Variants in SLC2A9 observed in about 807,000 individuals in gnomAD.
The protein encoded by SLC2A9 is solute carrier family 2, facilitated glucose transporter member 9.
SLC2A9 carries 39 observed loss-of-function variants against 50.6 expected under a neutral mutation model. The observed-to-expected ratio is 0.77, with a 90% confidence interval of 0.60 to 1.01. The LOEUF is 1.01. Among genes scored for constraint, SLC2A9 ranks in the 50% least tolerant of loss-of-function variants. The pLI is 0.00. For missense variants in SLC2A9, 686 were observed against 677.6 expected, an observed-to-expected ratio of 1.01 and a Z score of -0.14; for synonymous variants, 324 against 276.9, an observed-to-expected ratio of 1.17 and a Z score of -1.69.
chr4:9,999,262 T>C (rs529160674), intron 2 of SLC2A9, among the ~76,000 whole-genome samples: 75 of 152,046 alleles, frequency 4.9e-4, no homozygotes, highest in Non-Finnish European at 8.8e-4. Flanking sequence ...GGTCTCGCCA[T>C]GTTCCCCAAG....
At chr4:9,967,010 A>G (rs1753152947) in intron 5 of SLC2A9, among the ~76,000 whole-genome samples, 1 of 152,162 alleles carries the variant, frequency 6.6e-6, no homozygotes, top group Non-Finnish European at 1.5e-5. Context: ...ACTAGCGTCC[A>G]TTTTCAAAAC....
At chr4:9,817,011 G>T (rs988333057) in intron 3 of SLC2A9, among the ~76,000 whole-genome samples, 1 of 152,046 alleles carries the variant, frequency 6.6e-6, no homozygotes, top group Non-Finnish European at 1.5e-5. Flanking sequence ...TGCTATCCTT[G>T]GCTCATGACC....
chr4:9,942,660 C>T (rs1451515595), intron 5 of SLC2A9, among the ~76,000 whole-genome samples: 3 of 152,232 alleles, frequency 2.0e-5, no homozygotes, highest in African/African-American at 4.8e-5. Context: ...CCCTACGACA[C>T]GCACTATTCA....
intron 9 of SLC2A9, among the ~76,000 whole-genome samples, chr4:9,888,752 GCAAA>G (rs942599349): frequency 6.6e-5 from 10 of 152,152 alleles, no homozygotes; most frequent in African/African-American, 2.2e-4. Context: ...GGGGTAAGCT[GCAAA>G]CAGTCTGGAG....
chr4:10,023,810 T>A (rs1009464302), upstream of SLC2A9, among the ~76,000 whole-genome samples: 1 of 152,266 alleles, frequency 6.6e-6, no homozygotes, highest in Non-Finnish European at 1.5e-5. Flanking sequence ...TCGGGGCAAC[T>A]GAAGTTCAGG....
intron 6 of SLC2A9, among the ~76,000 whole-genome samples, chr4:9,924,366 C>A (rs1744513376): frequency 6.6e-6 from 1 of 152,192 alleles, no homozygotes; most frequent in African/African-American, 2.4e-5. Flanking sequence ...AGTTAACACC[C>A]CCAGGAGCAG....
In SLC2A9 at chr4:9,887,605, C is replaced by A. The variant is rs201422078; in HGVS notation, c.1253G>T (p.Gly418Val). 11 of 1,568,120 alleles carry A rather than the reference C, an allele frequency of 7.0e-6. No individual in the cohort carries two copies. The highest frequency in any genetic ancestry group is 9.5e-6 in the Non-Finnish European group (11 of 1,156,076). The change falls in exon 10 of 12, where the codon GGC becomes GTC. Residue 418 changes from glycine (G) to valine (V), a missense_variant. By Grantham distance (109) the Gly-to-Val change is moderately radical (BLOSUM62 -3). Transcript: ENST00000264784. ...APWVPYLSIVGILAIIASFCS... is the reference protein window; with the variant it reads ...APWVPYLSIVVILAIIASFCS... ...GAAAGAGGCGATGATGGCCAGAATG[C>A]CCACGATACTCAGGTAGGGGACCCA...
chr4:9,776,606 G>T (rs867985301), downstream of SLC2A9, among the ~76,000 whole-genome samples: 1 of 152,072 alleles, frequency 6.6e-6, no homozygotes, highest in Non-Finnish European at 1.5e-5. Context: ...TGCAGTATTT[G>T]CTAGAGTTTT....
chr4:9,872,825 T>C (rs1312074434), intron 10 of SLC2A9, among the ~76,000 whole-genome samples: 1 of 152,226 alleles, frequency 6.6e-6, no homozygotes, highest in Non-Finnish European at 1.5e-5. Context: ...TGCACAAAAA[T>C]GTACATTGTT....
intron 10 of SLC2A9, among the ~76,000 whole-genome samples, chr4:9,882,591 C>A (rs1051531446): frequency 1.3e-5 from 2 of 151,984 alleles, no homozygotes; most frequent in Non-Finnish European, 2.9e-5. Context: ...CGCCTGCAGT[C>A]CCAGCTTCTT....
intron 5 of SLC2A9, among the ~76,000 whole-genome samples, chr4:9,948,734 G>T (rs952619376): frequency 6.6e-6 from 1 of 152,142 alleles, no homozygotes; most frequent in African/African-American, 2.4e-5. Flanking sequence ...TTGTGCTGAG[G>T]GTTGCTCACC....
At chr4:9,915,364 A>T (rs1474889489) in intron 7 of SLC2A9, among the ~76,000 whole-genome samples, 3 of 152,276 alleles carry the variant, frequency 2.0e-5, no homozygotes, top group Non-Finnish European at 2.9e-5. Context: ...CAGCCTCCTG[A>T]GTATCTGGGA....
At chr4:9,912,154 C>T (rs1050185497) in intron 7 of SLC2A9, among the ~76,000 whole-genome samples, 2 of 151,556 alleles carry the variant, frequency 1.3e-5, no homozygotes, top group Non-Finnish European at 2.9e-5. Flanking sequence ...GTGGGGGGAG[C>T]GGGGAGGGAG....
intron 8 of SLC2A9, among the ~76,000 whole-genome samples, chr4:9,891,476 T>C (rs1165930017): frequency 6.6e-6 from 1 of 152,208 alleles, no homozygotes; most frequent in Non-Finnish European, 1.5e-5. Flanking sequence ...AGGGCCTTTA[T>C]CTGTGACAAG....
chr4:9,919,849 C>A (rs918819260), intron 7 of SLC2A9, among the ~76,000 whole-genome samples: 1 of 152,190 alleles, frequency 6.6e-6, no homozygotes, highest in Non-Finnish European at 1.5e-5. Context: ...CCTTTGAGTG[C>A]CCTCAAGGGA....
intron 8 of SLC2A9, among the ~76,000 whole-genome samples, chr4:9,894,839 C>T (rs1738223863): frequency 6.6e-6 from 1 of 152,170 alleles, no homozygotes; most frequent in Non-Finnish European, 1.5e-5. Flanking sequence ...CATGGAAGAG[C>T]ATCACAGTTG....
chr4:9,911,351 TC>T (rs1342202096), intron 7 of SLC2A9, among the ~76,000 whole-genome samples: 1 of 151,882 alleles, frequency 6.6e-6, no homozygotes, highest in African/African-American at 2.4e-5. Flanking sequence ...GCCACTGCCC[TC>T]CCCCTACATC....
chr4:9,995,573 A>C (rs547685145), intron 3 of SLC2A9: 1 of 152,308 alleles, frequency 6.6e-6, no homozygotes, highest in Non-Finnish European at 1.5e-5. Context: ...GAGTCTGATA[A>C]ATCTCCTCTT....
At chr4:9,900,897 T>C (rs932526015) in intron 8 of SLC2A9, among the ~76,000 whole-genome samples, 4 of 152,042 alleles carry the variant, frequency 2.6e-5, no homozygotes, top group African/African-American at 9.7e-5. Flanking sequence ...GCTCCTATGA[T>C]TCAATTACCT....
Sources: gnomAD v4.1 joint callset for allele counts (sites outside exome capture counted in the v4.1 genomes callset) on GRCh38, gnomAD v4.1.1 for gene constraint, MANE v1.5 for transcripts, NCBI Gene and HGNC (gene_info 2026-07-23, HGNC 2026-07-21) for gene names.